DPYD: variants seen among roughly 807,000 people sequenced by gnomAD.
The protein encoded by DPYD is dihydropyrimidine dehydrogenase, also known as dihydropyrimidine dehydrogenase [NADP(+)].
In DPYD, 109 loss-of-function variants were observed where a neutral mutation model predicts 116.2. That is an observed-to-expected ratio of 0.94 (90% CI 0.80 to 1.10). The LOEUF (loss-of-function observed/expected upper bound fraction) is 1.10, where lower values mean the gene tolerates loss of function less well. DPYD is among the 50% of genes least tolerant of loss of function. The pLI is 0.00. For synonymous variants in DPYD, 440 were observed against 432.0 expected (o/e 1.02, Z -0.23); for missense variants, 1,302 against 1,254.5 (o/e 1.04, Z -0.57).
At chr1:97,308,834 C>G (rs2101049182) in intron 16 of DPYD, among the ~76,000 whole-genome samples, 1 of 151,804 alleles carries the variant, frequency 6.6e-6, no homozygotes, top group South Asian at 2.1e-4. Context: ...TCTTCAGGAT[C>G]TGAAATATAC....
intron 16 of DPYD, among the ~76,000 whole-genome samples, chr1:97,313,337 G>C (rs1405718874): frequency 6.6e-6 from 1 of 151,794 alleles, no homozygotes; most frequent in Non-Finnish European, 1.5e-5. Context: ...GTACTATATT[G>C]GATAATACAG....
At chr1:97,317,604 T>C (rs112357563) in intron 16 of DPYD, among the ~76,000 whole-genome samples, 7 of 152,154 alleles carry the variant, frequency 4.6e-5, no homozygotes, top group Admixed American at 1.3e-4. Context: ...ACTTAGCTTA[T>C]GTATTTCAGT....
chr1:97,197,187 A>G (rs545090254), intron 19 of DPYD, among the ~76,000 whole-genome samples: 7 of 152,292 alleles, frequency 4.6e-5, no homozygotes, highest in Admixed American at 1.3e-4. Context: ...CAATTTGAAC[A>G]TTAATTAGGC....
chr1:97,207,622 A>C (rs1000883059), intron 19 of DPYD, among the ~76,000 whole-genome samples: 1 of 152,178 alleles, frequency 6.6e-6, no homozygotes, highest in Non-Finnish European at 1.5e-5. Flanking sequence ...TTTAACAATG[A>C]CTGAATTCAC....
intron 8 of DPYD, among the ~76,000 whole-genome samples, chr1:97,673,868 T>C (rs1660003382): frequency 6.6e-6 from 1 of 152,186 alleles, no homozygotes; most frequent in Non-Finnish European, 1.5e-5. Flanking sequence ...AAGATAGCTC[T>C]AGGTCCATGT....
In DPYD at chr1:97,269,121, C is replaced by A. The variant is rs1443151831; in HGVS notation, c.2300-34127G>T. ...TCTTAAGTTCTGTCTTCCACGAAAT[C>A]CTAGAACATAGACACAATTCTACCA... On this transcript the variant is annotated intron_variant, in intron 18 of 22. Transcript: ENST00000370192. Among the ~76,000 whole-genome samples the A allele has an allele frequency of 1.4e-4, 21 of 152,276 alleles. No homozygotes were observed. The South Asian group carries it at 3.9e-3, about 29-fold the overall frequency.
chr1:97,506,128 C>A (rs1647305626), intron 13 of DPYD, among the ~76,000 whole-genome samples: 1 of 151,948 alleles, frequency 6.6e-6, no homozygotes, highest in Non-Finnish European at 1.5e-5. Context: ...ATACAGCGAA[C>A]TGTAATTTTA....
chr1:97,810,943 T>C (rs904970850), intron 3 of DPYD, among the ~76,000 whole-genome samples: 4 of 152,160 alleles, frequency 2.6e-5, no homozygotes, highest in African/African-American at 4.8e-5. Context: ...TCTCCCACAA[T>C]GTAACTCCGT....
chr1:97,635,090 G>A (rs1266953278), intron 8 of DPYD, among the ~76,000 whole-genome samples: 1 of 152,070 alleles, frequency 6.6e-6, no homozygotes, highest in African/African-American at 2.4e-5. Flanking sequence ...TGCCTCTGAA[G>A]AGAAACGCTG....
At chr1:97,591,758 C>T (rs1654536504) in intron 10 of DPYD, among the ~76,000 whole-genome samples, 1 of 151,964 alleles carries the variant, frequency 6.6e-6, no homozygotes. Flanking sequence ...ATGTTTAGTT[C>T]AAAACCTATT....
chr1:97,150,929 T>C (rs554302619), intron 20 of DPYD, among the ~76,000 whole-genome samples: 1 of 152,324 alleles, frequency 6.6e-6, no homozygotes, highest in East Asian at 1.9e-4. Flanking sequence ...TTGCATTATG[T>C]TCAATTGTTT....
intron 12 of DPYD, among the ~76,000 whole-genome samples, chr1:97,518,457 T>TC (rs1648393292): frequency 6.6e-6 from 1 of 152,026 alleles, no homozygotes; most frequent in East Asian, 1.9e-4. Context: ...AAAAGCCTGT[T>TC]CCCCCTCTGT....
At chr1:97,089,266 C>G (rs1649731125) in intron 21 of DPYD, among the ~76,000 whole-genome samples, 2 of 152,290 alleles carry the variant, frequency 1.3e-5, no homozygotes, top group East Asian at 3.9e-4. Context: ...TCATATATAT[C>G]AACAGAAGTG....
chr1:97,842,896 C>T (rs956324049), intron 2 of DPYD, among the ~76,000 whole-genome samples: 2 of 152,056 alleles, frequency 1.3e-5, no homozygotes, highest in African/African-American at 4.8e-5. Context: ...TCATCTAAAG[C>T]ACTTATACTT....
rs562152401 is a variant in DPYD, at chr1:97,349,162, A to G, written c.2058+24399T>C. Reference sequence around the variant, plus strand: ...TAGAAAGTACGAATAATAGTACACTAGCTCAGAGAGTTGTTTGAGGATTAA... The same window carrying G: ...TAGAAAGTACGAATAATAGTACACTGGCTCAGAGAGTTGTTTGAGGATTAA... On this transcript the variant is annotated intron_variant, in intron 16 of 22. Coordinates refer to ENST00000370192, the MANE Select transcript of DPYD (RefSeq NM_000110.4). Among the ~76,000 whole-genome samples the G allele has an allele frequency of 2.0e-5, 3 of 152,284 alleles. No homozygotes were observed. In the South Asian group the frequency reaches 6.2e-4, roughly 32 times the overall value.
intron 13 of DPYD, among the ~76,000 whole-genome samples, chr1:97,463,669 A>G (rs1165399326): frequency 5.3e-5 from 8 of 152,198 alleles, no homozygotes; most frequent in African/African-American, 1.7e-4. Context: ...AAAAATGCTG[A>G]TAATGATAAG....
chr1:97,852,466 T>A (rs1039306051), intron 2 of DPYD, among the ~76,000 whole-genome samples: 3 of 152,092 alleles, frequency 2.0e-5, no homozygotes, highest in African/African-American at 2.4e-5. Flanking sequence ...AGTTTTCCCA[T>A]CTTTAAACTG....
intron 13 of DPYD, among the ~76,000 whole-genome samples, chr1:97,451,225 C>T (rs972361904): frequency 2.6e-5 from 4 of 151,984 alleles, no homozygotes; most frequent in African/African-American, 7.2e-5. Flanking sequence ...AACATTTGGA[C>T]GTTTTTCCAA....
intron 18 of DPYD, among the ~76,000 whole-genome samples, chr1:97,250,286 AAAAT>A (rs900588721): frequency 3.9e-5 from 6 of 152,096 alleles, no homozygotes; most frequent in Non-Finnish European, 8.8e-5. Context: ...ATAAAAAATA[AAAAT>A]AAATAAATAA....
Sources: gnomAD v4.1 joint callset for allele counts (sites outside exome capture counted in the v4.1 genomes callset) on GRCh38, gnomAD v4.1.1 for gene constraint, MANE v1.5 for transcripts, NCBI Gene and HGNC (gene_info 2026-07-23, HGNC 2026-07-21) for gene names.